RNF2: variants seen among roughly 807,000 people sequenced by gnomAD.
The protein encoded by RNF2 is E3 ubiquitin-protein ligase RING2.
Under a neutral mutation model 37.2 loss-of-function variants are expected in RNF2, and 6 were observed. The observed-to-expected ratio is 0.16, with a 90% CI of 0.09 to 0.32. The LOEUF (loss-of-function observed/expected upper bound fraction) is 0.32. Ranked by LOEUF, RNF2 falls within the 10% of genes least tolerant of loss-of-function variation. The pLI is 1.00. For synonymous variants in RNF2, 133 were observed against 132.7 expected (o/e 1.00, Z -0.02); for missense variants, 251 against 404.0 (o/e 0.62, Z 3.25).
At chr1:185,068,243 T>A (rs917520916) in intron 1 of RNF2, among the ~76,000 whole-genome samples, 1 of 152,222 alleles carries the variant, frequency 6.6e-6, no homozygotes, top group Admixed American at 6.5e-5. Flanking sequence ...TTGGTTATAT[T>A]CATTGGTGGG....
chr1:185,051,856 A>G (rs1166093774), intron 1 of RNF2, among the ~76,000 whole-genome samples: 1 of 149,214 alleles, frequency 6.7e-6, no homozygotes, highest in African/African-American at 2.4e-5. Context: ...CATATTATAT[A>G]TACATGCATA....
chr1:185,091,984 T>G (rs1014923602), intron 3 of RNF2: 5 of 299,586 alleles, frequency 1.7e-5, no homozygotes, highest in Non-Finnish European at 1.2e-5. Flanking sequence ...CCGGCTAGTT[T>G]TTTTTTTTTT....
intron 1 of RNF2, among the ~76,000 whole-genome samples, chr1:185,054,505 C>T (rs1650370442): frequency 6.6e-6 from 1 of 151,992 alleles, no homozygotes; most frequent in Admixed American, 6.5e-5. Flanking sequence ...CCCTCCGGGC[C>T]GGCCAGACGC....
intron 1 of RNF2, among the ~76,000 whole-genome samples, chr1:185,057,719 G>T (rs1406812439): frequency 6.6e-6 from 1 of 151,568 alleles, no homozygotes; most frequent in Admixed American, 6.6e-5. Context: ...AGTGTCTAAG[G>T]ATCCACAAAT....
chr1:185,085,145 C>CTTTTTTTTTTTT (rs71555455), intron 1 of RNF2, among the ~76,000 whole-genome samples: 90 of 103,208 alleles, frequency 8.7e-4, no homozygotes, highest in African/African-American at 1.2e-3. Flanking sequence ...CTTTCTTTTT[C>CTTTTTTTTTTTT]TTTTTTTTTT....
chr1:185,092,854 G>A (rs566596258), intron 3 of RNF2, among the ~76,000 whole-genome samples: 1 of 151,878 alleles, frequency 6.6e-6, no homozygotes, highest in Non-Finnish European at 1.5e-5. Context: ...TTCTTTCGAC[G>A]AGTGGTATAG....
At chr1:185,066,603 A>G (rs1309763513) in intron 1 of RNF2, among the ~76,000 whole-genome samples, 1 of 152,174 alleles carries the variant, frequency 6.6e-6, no homozygotes, top group African/African-American at 2.4e-5. Context: ...AGAGGTTCTC[A>G]TTTTCTATCA....
At chr1:185,097,517 TTA>T (rs1217684997) in intron 4 of RNF2, among the ~76,000 whole-genome samples, 1 of 152,268 alleles carries the variant, frequency 6.6e-6, no homozygotes, top group Non-Finnish European at 1.5e-5. Context: ...CAATTAATTC[TTA>T]TAGTCTTTTG....
At chr1:185,058,225 A>G (rs1245141108) in intron 1 of RNF2, among the ~76,000 whole-genome samples, 1 of 152,258 alleles carries the variant, frequency 6.6e-6, no homozygotes, top group African/African-American at 2.4e-5. Context: ...GAGATGATTT[A>G]AAGAATATCA....
intron 1 of RNF2, among the ~76,000 whole-genome samples, chr1:185,070,505 CAG>C (rs548909342): frequency 1.4e-4 from 22 of 152,134 alleles, no homozygotes; most frequent in Non-Finnish European, 2.4e-4. Flanking sequence ...ATGGCCCAGT[CAG>C]AGGATTATTT....
At chr1:185,098,463 A>C (rs1650060184) in intron 5 of RNF2, 119 bp downstream of exon 5, 2 of 1,147,512 alleles carry the variant, frequency 1.7e-6, no homozygotes, top group Non-Finnish European at 2.5e-6. Flanking sequence ...GCAGGGGTTC[A>C]GTTACTAGCT....
intron 1 of RNF2, among the ~76,000 whole-genome samples, chr1:185,053,340 CTTTTTT>C (rs796310068): frequency 7.0e-6 from 1 of 143,798 alleles, no homozygotes; most frequent in African/African-American, 2.5e-5. Context: ...TTTTCTTTTT[CTTTTTT>C]TTTTTAAGAG....
In RNF2 at chr1:185,061,003, G is replaced by C. The variant is rs189117766; in HGVS notation, c.-3+15354G>C. Reference sequence around the variant, plus strand: ...GCGTGGTCATGAGTCTGTAGTCCTAGCTGCTTGGGAGGCTGACATGGGAGG... The same window carrying C: ...GCGTGGTCATGAGTCTGTAGTCCTACCTGCTTGGGAGGCTGACATGGGAGG... On this transcript the variant is annotated intron_variant, in intron 1 of 6. Coordinates refer to ENST00000367510, the MANE Select transcript of RNF2 (RefSeq NM_007212.4). 6.7e-4 allele frequency among the ~76,000 whole-genome samples: 102 copies of C among 152,200 alleles called. No individual in the cohort carries two copies. The East Asian group carries it at 0.018, about 26-fold the overall frequency.
At chr1:185,057,847 ATTT>A (rs1650480731) in intron 1 of RNF2, among the ~76,000 whole-genome samples, 1 of 151,992 alleles carries the variant, frequency 6.6e-6, no homozygotes, top group African/African-American at 2.4e-5. Context: ...AATAATACAA[ATTT>A]TTGGCCAGGC....
At chr1:185,097,814 T>C (rs1182661705) in intron 4 of RNF2, among the ~76,000 whole-genome samples, 1 of 152,228 alleles carries the variant, frequency 6.6e-6, no homozygotes, top group Non-Finnish European at 1.5e-5. Context: ...GGTTTACAGG[T>C]GTGAACCACC....
chr1:185,078,594 A>G (rs1651245455), intron 1 of RNF2, among the ~76,000 whole-genome samples: 1 of 152,168 alleles, frequency 6.6e-6, no homozygotes, highest in Non-Finnish European at 1.5e-5. Context: ...TTTCATATGA[A>G]TATGAAGGTG....
chr1:185,093,683 T>C (rs753397517), intron 4 of RNF2, among the ~76,000 whole-genome samples: 15 of 152,232 alleles, frequency 9.9e-5, no homozygotes, highest in Non-Finnish European at 1.6e-4. Context: ...CTTAGCAGCA[T>C]TTGACACAAT....
intron 2 of RNF2, among the ~76,000 whole-genome samples, chr1:185,090,058 A>C (rs555152466): frequency 7.0e-4 from 106 of 152,020 alleles, no homozygotes; most frequent in African/African-American, 2.5e-3. Context: ...AGTAGCTGGG[A>C]TTACAGGCGT....
At chr1:185,084,281 A>G (rs1226450383) in intron 1 of RNF2, among the ~76,000 whole-genome samples, 1 of 152,150 alleles carries the variant, frequency 6.6e-6, no homozygotes, top group Non-Finnish European at 1.5e-5. Context: ...AATTCAGTTT[A>G]TGTTGGCTTA....
Sources: allele counts gnomAD v4.1 joint callset (sites outside exome capture counted in the v4.1 genomes callset), GRCh38; gene constraint gnomAD v4.1.1; transcripts MANE v1.5; gene names NCBI Gene and HGNC (gene_info 2026-07-23, HGNC 2026-07-21).